EYS: variants seen among roughly 807,000 people sequenced by gnomAD.
EYS encodes the protein EGF-like photoreceptor maintenance factor.
Under a neutral mutation model 282.1 loss-of-function variants are expected in EYS, and 250 were observed. The ratio of observed to expected loss-of-function variants is 0.89; its 90% CI spans 0.80 to 0.98. EYS has a LOEUF of 0.98. EYS is among the 50% of genes least tolerant of loss of function. The probability of loss-of-function intolerance (pLI) is 0.00; values close to 1 mark genes in which losing one functional copy is unlikely to be tolerated. For synonymous variants in EYS, 1,355 were observed against 1,282.9 expected (o/e 1.06, Z -1.20); for missense variants, 4,016 against 3,709.0 (o/e 1.08, Z -2.15).
chr6:64,947,646 A>C (rs907696933), intron 14 of EYS, among the ~76,000 whole-genome samples: 1 of 134,284 alleles, frequency 7.4e-6, no homozygotes, highest in African/African-American at 2.8e-5. Flanking sequence ...CGTTTGGCTT[A>C]TTTTTTCTTT....
At chr6:64,847,666 C>G (rs543810458) in intron 19 of EYS, among the ~76,000 whole-genome samples, 2 of 152,152 alleles carry the variant, frequency 1.3e-5, no homozygotes, top group Admixed American at 6.6e-5. Context: ...CAGCAATATC[C>G]TTTTTGGATT....
intron 28 of EYS, among the ~76,000 whole-genome samples, chr6:64,421,766 T>C (rs1193459857): frequency 6.6e-6 from 1 of 152,036 alleles, no homozygotes; most frequent in Non-Finnish European, 1.5e-5. Context: ...TGTAATAACT[T>C]GGAAACTGCT....
intron 28 of EYS, among the ~76,000 whole-genome samples, chr6:64,389,259 C>T (rs1329395499): frequency 6.6e-6 from 1 of 152,066 alleles, no homozygotes; most frequent in African/African-American, 2.4e-5. Context: ...ATATTGCAGA[C>T]AGTAATTAGT....
At chr6:65,132,782 G>A (rs2150203460) in intron 12 of EYS, among the ~76,000 whole-genome samples, 1 of 152,072 alleles carries the variant, frequency 6.6e-6, no homozygotes, top group African/African-American at 2.4e-5. Flanking sequence ...ATCATTGTTA[G>A]CAGTCAACAT....
intron 26 of EYS, among the ~76,000 whole-genome samples, chr6:64,466,817 C>A (rs1373595864): frequency 1.3e-5 from 2 of 151,896 alleles, no homozygotes; most frequent in African/African-American, 4.8e-5. Flanking sequence ...AGCCATTTTA[C>A]AATTTATAGA....
chr6:64,408,338 C>T (rs1217960622), intron 28 of EYS, among the ~76,000 whole-genome samples: 3 of 152,048 alleles, frequency 2.0e-5, no homozygotes, highest in African/African-American at 7.2e-5. Context: ...AACATTAAGT[C>T]ACACTATGCA....
At chr6:64,042,917 A>G (rs560946613) in intron 33 of EYS, among the ~76,000 whole-genome samples, 9 of 152,112 alleles carry the variant, frequency 5.9e-5, no homozygotes, top group Non-Finnish European at 1.2e-4. Flanking sequence ...TTCCATAATA[A>G]CATAGAGTGC....
At chr6:64,275,780 CCT>C in intron 30 of EYS, among the ~76,000 whole-genome samples, 1 of 145,076 alleles carries the variant, frequency 6.9e-6, no homozygotes, top group Middle Eastern at 3.3e-3. Context: ...ACGGTGAAAC[CCT>C]GTGTCTACTA....
intron 29 of EYS, among the ~76,000 whole-genome samples, chr6:64,326,862 A>G (rs565658109): frequency 6.6e-6 from 1 of 152,094 alleles, no homozygotes; most frequent in Admixed American, 6.6e-5. Context: ...TTTGGGCCCT[A>G]AGGCAAGACC....
chr6:64,446,978 T>C (rs942941021), intron 26 of EYS, among the ~76,000 whole-genome samples: 5 of 124,550 alleles, frequency 4.0e-5, no homozygotes, highest in African/African-American at 1.1e-4. Flanking sequence ...ATAATGTATG[T>C]GTGTGTGTGG....
chr6:64,635,893 G>T (rs1767960054), intron 22 of EYS, among the ~76,000 whole-genome samples: 1 of 152,162 alleles, frequency 6.6e-6, no homozygotes, highest in African/African-American at 2.4e-5. Context: ...GTTTCAGAAG[G>T]AATGGTACCA....
intron 35 of EYS, among the ~76,000 whole-genome samples, chr6:63,958,926 A>G (rs1437563110): frequency 8.5e-5 from 13 of 152,170 alleles, no homozygotes; most frequent in Admixed American, 8.5e-4. Flanking sequence ...GACACTCAAG[A>G]GTTCTGATAG....
intron 12 of EYS, among the ~76,000 whole-genome samples, chr6:65,081,204 T>C (rs1278775221): frequency 6.6e-6 from 1 of 152,138 alleles, no homozygotes; most frequent in Non-Finnish European, 1.5e-5. Flanking sequence ...ATGTGTCAGA[T>C]ACTGAAATGA....
chr6:65,557,821 C>A (rs1233041634), intron 2 of EYS, among the ~76,000 whole-genome samples: 3 of 152,036 alleles, frequency 2.0e-5, no homozygotes, highest in African/African-American at 4.8e-5. Context: ...CTCAGGAGAC[C>A]CAAAATGGGT....
At chr6:64,273,723 C>G (rs1768017030) in intron 30 of EYS, among the ~76,000 whole-genome samples, 1 of 152,020 alleles carries the variant, frequency 6.6e-6, no homozygotes, top group African/African-American at 2.4e-5. Context: ...GTAGGCTGAG[C>G]TGTGGTCATG....
chr6:64,628,792 G>A (rs1767688692), intron 22 of EYS, among the ~76,000 whole-genome samples: 1 of 152,056 alleles, frequency 6.6e-6, no homozygotes, highest in South Asian at 2.1e-4. Flanking sequence ...ATTTTTTAAA[G>A]GGGATAGTTT....
At chr6:64,635,914 GT>G (rs1767961362) in intron 22 of EYS, among the ~76,000 whole-genome samples, 1 of 152,120 alleles carries the variant, frequency 6.6e-6, no homozygotes, top group Non-Finnish European at 1.5e-5. Context: ...GCTCCTCCTT[GT>G]ACCTCTGGTA....
chr6:65,372,286 T>A, intron 8 of EYS, among the ~76,000 whole-genome samples: 1 of 152,118 alleles, frequency 6.6e-6, no homozygotes, highest in Middle Eastern at 3.4e-3. Context: ...GTCATAACAT[T>A]AGGAAGTTAT....
chr6:65,365,324 A>T (rs1764874123), intron 8 of EYS, among the ~76,000 whole-genome samples: 1 of 151,552 alleles, frequency 6.6e-6, no homozygotes, highest in Non-Finnish European at 1.5e-5. Flanking sequence ...TACGCCTGAA[A>T]AATTTTCTGC....
Sources: allele counts gnomAD v4.1 joint callset (sites outside exome capture counted in the v4.1 genomes callset), GRCh38; gene constraint gnomAD v4.1.1; transcripts MANE v1.5; gene names NCBI Gene and HGNC (gene_info 2026-07-23, HGNC 2026-07-21).